The following ZNF610 variants were observed in gnomAD, a reference collection of about 807,000 sequenced individuals.
ZNF610 encodes zinc finger protein 610.
A neutral mutation model predicts 14.1 loss-of-function variants in ZNF610; 14 were observed. The ratio of observed to expected loss-of-function variants is 0.99; its 90% confidence interval spans 0.65 to 1.55. The LOEUF (loss-of-function observed/expected upper bound fraction) is 1.55, where lower values mean the gene tolerates loss of function less well. Ranked by LOEUF, ZNF610 falls within the 40% of genes most tolerant of loss-of-function variation. The pLI is 0.00. For missense variants in ZNF610, 530 were observed against 558.0 expected (o/e 0.95, Z 0.51); for synonymous variants, 185 against 187.6 (o/e 0.99, Z 0.11).
chr19:52,356,655 C>T (rs925483697), intron 5 of ZNF610, among the ~76,000 whole-genome samples: 1 of 151,936 alleles, frequency 6.6e-6, no homozygotes, highest in Non-Finnish European at 1.5e-5. Context: ...TATTTGTTTT[C>T]CTTTGTTGTA....
chr19:52,352,142 G>A (rs1443058048), intron 3 of ZNF610, among the ~76,000 whole-genome samples: 1 of 152,190 alleles, frequency 6.6e-6, no homozygotes, highest in African/African-American at 2.4e-5. Flanking sequence ...CTTTTAGTTA[G>A]GGGCCATGTG....
In ZNF610 at chr19:52,354,126, G is replaced by T. The variant is rs557099744; in HGVS notation, c.191-125G>T. Reference sequence around the variant, plus strand: ...TTCCCTAAGCATTCAGAAGGAGCCAGTCTGTGGGTGAACTTGTGAGATATT... The same window carrying T: ...TTCCCTAAGCATTCAGAAGGAGCCATTCTGTGGGTGAACTTGTGAGATATT... On this transcript the variant is annotated intron_variant, in intron 4 of 5. Coordinates refer to ENST00000403906, the MANE Select transcript of ZNF610 (RefSeq NM_001161425.2). The T allele has an allele frequency of 5.6e-5, 75 of 1,344,236 alleles. 1 individual carries two copies. In the African/African-American group the frequency reaches 9.9e-4, roughly 18 times the overall value. The allele number at this position is 1,344,236 out of a possible 1,614,324, so 83.3% of individuals were successfully genotyped here.
At chr19:52,348,141 A>C (rs571952282) in intron 2 of ZNF610, 197 bp downstream of exon 2, 1 of 152,204 alleles carries the variant, frequency 6.6e-6, no homozygotes, top group South Asian at 2.1e-4. Flanking sequence ...GTAGTAGACT[A>C]TACCATCTTG....
At chr19:52,334,852 C>T (rs879344023), upstream of ZNF610, among the ~76,000 whole-genome samples, 6 of 151,388 alleles carry the variant, frequency 4.0e-5, no homozygotes, top group Admixed American at 2.0e-4. Context: ...TCGCTTGAAC[C>T]GGGGAGGCAG....
At chr19:52,340,075 G>A (rs766343906) in intron 1 of ZNF610, among the ~76,000 whole-genome samples, 1 of 152,230 alleles carries the variant, frequency 6.6e-6, no homozygotes, top group Non-Finnish European at 1.5e-5. Flanking sequence ...GAGTTAACCT[G>A]TGGGACACAC....
chr19:52,365,630 G>T (rs11881435), intron 5 of ZNF610, 68 bp from the exon 6 acceptor site: 11 of 1,394,482 alleles, frequency 7.9e-6, no homozygotes, highest in Non-Finnish European at 1.1e-5. Context: ...GGCTGATTCT[G>T]GTCCCTCCAC....
At chr19:52,344,997 G>A (rs1250366399) in intron 1 of ZNF610, 1 of 152,256 alleles carries the variant, frequency 6.6e-6, no homozygotes, top group African/African-American at 2.4e-5. Flanking sequence ...GCCCAGGCTG[G>A]TCTTGAACTC....
At chr19:52,338,674 A>C (rs1432876137) in intron 1 of ZNF610, among the ~76,000 whole-genome samples, 1 of 151,294 alleles carries the variant, frequency 6.6e-6, no homozygotes, top group Admixed American at 6.6e-5. Flanking sequence ...ACTCTGTCTC[A>C]AAAAAAAAGG....
At chr19:52,343,489 G>A (rs321958) in intron 1 of ZNF610, among the ~76,000 whole-genome samples, 127,865 of 151,650 alleles carry the variant, frequency 0.84, 54,191 homozygotes, top group South Asian at 0.88. Context: ...GAATTGCTTG[G>A]ACCTGAGGCA....
At chr19:52,354,781 G>C (rs1985448927) in intron 5 of ZNF610, among the ~76,000 whole-genome samples, 1 of 151,572 alleles carries the variant, frequency 6.6e-6, no homozygotes, top group African/African-American at 2.4e-5. Flanking sequence ...ATTTCACCAT[G>C]TTGGACAGGT....
At chr19:52,340,192 G>A (rs1984613103) in intron 1 of ZNF610, among the ~76,000 whole-genome samples, 1 of 152,192 alleles carries the variant, frequency 6.6e-6, no homozygotes, top group Non-Finnish European at 1.5e-5. Flanking sequence ...CTTGAGGTCA[G>A]GAGTTCGAGA....
At chr19:52,357,673 T>C (rs1985595784) in intron 5 of ZNF610, among the ~76,000 whole-genome samples, 1 of 136,538 alleles carries the variant, frequency 7.3e-6, no homozygotes, top group Non-Finnish European at 1.6e-5. Context: ...AAAAAAAAAT[T>C]TAAAAAATTA....
At chr19:52,333,163 TAGA>T (rs1334009830), upstream of ZNF610, among the ~76,000 whole-genome samples, 2 of 152,112 alleles carry the variant, frequency 1.3e-5, no homozygotes, top group East Asian at 1.9e-4. Context: ...CAGGCAACAT[TAGA>T]AGGAGAGCTC....
chr19:52,354,253 A>G lies in ZNF610; in HGVS notation c.193A>G (p.Ile65Val). 6.2e-7 allele frequency: 1 copy of G among 1,613,552 alleles called. No homozygotes were observed. The highest frequency in any genetic ancestry group is 8.5e-7 in the Non-Finnish European group (1 of 1,179,872). Residue 65 changes from isoleucine (I) to valine (V), a missense_variant and splice_region_variant, in exon 5 of 6, where the codon ATC becomes GTC. Coordinates refer to ENST00000403906, the MANE Select transcript of ZNF610 (RefSeq NM_001161425.2). ...TGTTTCTTTCTTTTTATTAACAGGA[A>G]TCTGTCTTCCTGACCTAAGTATTAT... ...ENYRNLVFLG[I>V]CLPDLSIISM...
upstream of ZNF610, among the ~76,000 whole-genome samples, chr19:52,333,473 G>A (rs991046032): frequency 1.3e-5 from 2 of 152,188 alleles, no homozygotes. Flanking sequence ...GCAGCCCGTA[G>A]CAAAATTTCA....
At chr19:52,359,412 A>C (rs1985675317) in intron 5 of ZNF610, among the ~76,000 whole-genome samples, 1 of 152,164 alleles carries the variant, frequency 6.6e-6, no homozygotes, top group African/African-American at 2.4e-5. Context: ...ACAAAATTGC[A>C]GATCAGAAAT....
At chr19:52,348,603 G>A (rs1009370967) in intron 2 of ZNF610, among the ~76,000 whole-genome samples, 2 of 152,272 alleles carry the variant, frequency 1.3e-5, no homozygotes, top group East Asian at 1.9e-4. Flanking sequence ...CCCCAAGCAC[G>A]TGAATATTGA....
At chr19:52,335,853 C>T (rs1183232922), upstream of ZNF610, among the ~76,000 whole-genome samples, 3 of 151,986 alleles carry the variant, frequency 2.0e-5, no homozygotes, top group Non-Finnish European at 4.4e-5. Flanking sequence ...TTTTTATTTA[C>T]TTATTTATTT....
chr19:52,351,035 A>T (rs1985225676), intron 3 of ZNF610, among the ~76,000 whole-genome samples: 1 of 152,218 alleles, frequency 6.6e-6, no homozygotes. Context: ...TATTTTAAAT[A>T]AAATCCTCAG....
Sources: allele counts gnomAD v4.1 joint callset (sites outside exome capture counted in the v4.1 genomes callset), GRCh38; gene constraint gnomAD v4.1.1; transcripts MANE v1.5; gene names NCBI Gene and HGNC (gene_info 2026-07-23, HGNC 2026-07-21).